Variants in FBRSL1 observed in about 807,000 individuals in gnomAD.
FBRSL1 encodes fibrosin-1-like protein.
In FBRSL1, 51 loss-of-function variants were observed where a neutral mutation model predicts 89.6. The ratio of observed to expected loss-of-function variants is 0.57; its 90% CI spans 0.45 to 0.72. FBRSL1 has a LOEUF of 0.72. FBRSL1 is among the 30% of genes least tolerant of loss of function. The pLI is 0.00. For synonymous variants in FBRSL1, 779 were observed against 681.1 expected (o/e 1.14, Z -2.24); for missense variants, 1,618 against 1,451.8 (o/e 1.11, Z -1.86).
At chr12:132,567,135 C>T (rs1355666513) in intron 5 of FBRSL1, among the ~76,000 whole-genome samples, 1 of 152,192 alleles carries the variant, frequency 6.6e-6, no homozygotes, top group Admixed American at 6.5e-5. Context: ...GCTGGTTCTC[C>T]TGGGAGGGGT....
chr12:132,505,704 C>T (rs2136519764), intron 1 of FBRSL1, among the ~76,000 whole-genome samples: 1 of 152,342 alleles, frequency 6.6e-6, no homozygotes, highest in Non-Finnish European at 1.5e-5. Flanking sequence ...CCTCTCTCAG[C>T]AGCTGGGCAG....
intron 1 of FBRSL1, among the ~76,000 whole-genome samples, chr12:132,507,561 C>T (rs1001955605): frequency 1.3e-5 from 2 of 152,118 alleles, no homozygotes; most frequent in Non-Finnish European, 1.5e-5. Flanking sequence ...AGCAGGTTTA[C>T]AGGGGGCCTG....
chr12:132,525,132 G>A (rs887574582), intron 2 of FBRSL1, among the ~76,000 whole-genome samples: 4 of 152,212 alleles, frequency 2.6e-5, no homozygotes, highest in South Asian at 2.1e-4. Flanking sequence ...ACTGAGGCAC[G>A]GGGAGGCCGA....
chr12:132,512,107 A>T (rs1019568022), intron 2 of FBRSL1, among the ~76,000 whole-genome samples: 2 of 152,068 alleles, frequency 1.3e-5, no homozygotes, highest in African/African-American at 2.4e-5. Context: ...CTGCCCACCC[A>T]TCTGAGGCCT....
At chr12:132,582,697 C>T (rs1181029022) in intron 18 of FBRSL1, among the ~76,000 whole-genome samples, 1 of 152,108 alleles carries the variant, frequency 6.6e-6, no homozygotes, top group East Asian at 1.9e-4. Flanking sequence ...GCCGGGAGGC[C>T]CCCCTGTCCT....
chr12:132,549,172 G>A (rs2037941755), intron 5 of FBRSL1, among the ~76,000 whole-genome samples: 1 of 152,234 alleles, frequency 6.6e-6, no homozygotes, highest in African/African-American at 2.4e-5. Context: ...CGTCGCCGCG[G>A]CCTGGGGTCT....
At chr12:132,578,651 T>C (rs1050890294) in intron 15 of FBRSL1, among the ~76,000 whole-genome samples, 1 of 152,196 alleles carries the variant, frequency 6.6e-6, no homozygotes, top group Non-Finnish European at 1.5e-5. Context: ...GTTGTCCTGC[T>C]GATGGAACCT....
At chr12:132,564,637 A>G (rs2039441192) in intron 5 of FBRSL1, among the ~76,000 whole-genome samples, 1 of 123,596 alleles carries the variant, frequency 8.1e-6, no homozygotes, top group South Asian at 2.9e-4. Context: ...CTGGGACTAC[A>G]GGCGCCCGCC....
At position 132,569,948 on chromosome 12, in the gene FBRSL1, G is replaced by C. The variant is rs1160208722; in HGVS notation, c.714G>C (p.Glu238Asp). 1.4e-6 allele frequency: 2 copies of C among 1,424,494 alleles called. No individual in the cohort carries two copies. Among genetic ancestry groups the C allele is most frequent in the Admixed American group, 3.0e-5 (1 of 32,988 alleles). 88.2% of individuals were successfully genotyped at this position (1,424,494 alleles called of 1,614,324 possible). A position where few individuals can be genotyped will look rare whatever the true frequency, so the allele number is the denominator to read the frequency against. ...CAGGCCCAGCGCTTGAGAAGTCGGA[G>C]GCCAAGGCCGGGCCGGTGCCCAAGG... The part of the protein sequence containing the change: ...TDKGPALEKS[E>D]AKAGPVPKVS... The change falls in exon 7 of 19, where the codon GAG becomes GAC. Residue 238 changes from glutamate (E) to aspartate (D), a missense_variant. Physicochemically the swap from Glu to Asp is conservative, Grantham distance 45. Coordinates refer to ENST00000680143, the MANE Select transcript of FBRSL1 (RefSeq NM_001367871.1).
At chr12:132,548,243 G>T (rs2037863506) in intron 5 of FBRSL1, among the ~76,000 whole-genome samples, 1 of 152,164 alleles carries the variant, frequency 6.6e-6, no homozygotes, top group Non-Finnish European at 1.5e-5. Context: ...GCTGGGGCCG[G>T]TACCGTGTCT....
intron 5 of FBRSL1, among the ~76,000 whole-genome samples, chr12:132,557,476 AGGGCTGTGGGGCGGGGCTCGGGGCTCG>A (rs1360147153): frequency 1.3e-5 from 2 of 152,066 alleles, no homozygotes; most frequent in Admixed American, 1.3e-4. Context: ...ACTGGGGCGC[AGGGCTGTGGGGCGGGGCTCGGGGCTCG>A]GGGCTGGGTT....
chr12:132,496,800 C>T (rs1426252956), intron 1 of FBRSL1, among the ~76,000 whole-genome samples: 3 of 148,220 alleles, frequency 2.0e-5, no homozygotes, highest in Non-Finnish European at 4.5e-5. Flanking sequence ...ACCCTGCTCA[C>T]CCAGCTTGTG....
intron 4 of FBRSL1, among the ~76,000 whole-genome samples, chr12:132,536,118 AGT>A (rs1454267152): frequency 1.5e-5 from 2 of 137,798 alleles, no homozygotes; most frequent in African/African-American, 5.6e-5. Context: ...TGTACATGAC[AGT>A]GTGCCATGTG....
chr12:132,580,471 C>A (rs2040670229), intron 15 of FBRSL1, among the ~76,000 whole-genome samples: 1 of 152,160 alleles, frequency 6.6e-6, no homozygotes, highest in Non-Finnish European at 1.5e-5. Flanking sequence ...ACTTTTCTGG[C>A]CCTGTCTAGC....
At chr12:132,491,471 T>C (rs2030948372) in intron 1 of FBRSL1, among the ~76,000 whole-genome samples, 1 of 152,226 alleles carries the variant, frequency 6.6e-6, no homozygotes, top group Non-Finnish European at 1.5e-5. Flanking sequence ...TTAAATGCTG[T>C]CTGAGAGTTG....
At chr12:132,565,512 C>CACCTACCCGAGTGTGCTCACGTAT (rs1555284926) in intron 5 of FBRSL1, 101 of 53,910 alleles carry the variant, frequency 1.9e-3, no homozygotes, top group African/African-American at 5.1e-3. Context: ...TCCTCATGTA[C>CACCTACCCGAGTGTGCTCACGTAT]ACGTACCCGA....
Position 132,528,656 on chromosome 12 carries a change from T to C in FBRSL1, c.615+668T>C, listed in dbSNP as rs1190799879. 5.3e-5 allele frequency among the ~76,000 whole-genome samples: 8 copies of C among 150,822 alleles called. No individual in the cohort carries two copies. The South Asian group carries it at 1.5e-3, about 28-fold the overall frequency. On this transcript the variant is annotated intron_variant, in intron 4 of 18. Coordinates refer to ENST00000680143, the MANE Select transcript of FBRSL1 (RefSeq NM_001367871.1). Reference sequence around the variant, plus strand: ...GGAGCGGGTGTGTTTCAGTGTGTGCTGTGCCTCCCCGTGGGTGCACGGGTG... The same window carrying C: ...GGAGCGGGTGTGTTTCAGTGTGTGCCGTGCCTCCCCGTGGGTGCACGGGTG...
intron 2 of FBRSL1, among the ~76,000 whole-genome samples, chr12:132,517,748 T>C (rs1233807373): frequency 6.6e-6 from 1 of 152,060 alleles, no homozygotes; most frequent in African/African-American, 2.4e-5. Flanking sequence ...CCTGGTCTCA[T>C]ACAGAGGGAA....
At chr12:132,570,794 C>T (rs998178775) in intron 8 of FBRSL1, among the ~76,000 whole-genome samples, 13 of 152,226 alleles carry the variant, frequency 8.5e-5, no homozygotes, top group African/African-American at 2.7e-4. Context: ...GACGGGCGCA[C>T]GGGCCTCCCC....
Sources: gnomAD v4.1 joint callset for allele counts (sites outside exome capture counted in the v4.1 genomes callset) on GRCh38, gnomAD v4.1.1 for gene constraint, MANE v1.5 for transcripts, NCBI Gene and HGNC (gene_info 2026-07-23, HGNC 2026-07-21) for gene names.